The following XYLT1 variants were observed in gnomAD, a reference collection of about 807,000 sequenced individuals.
The protein encoded by XYLT1 is xylosyltransferase 1.
A neutral mutation model predicts 91.3 loss-of-function variants in XYLT1; 36 were observed. The ratio of observed to expected loss-of-function variants is 0.39; its 90% CI spans 0.30 to 0.52. The LOEUF is 0.52. XYLT1 is among the 20% of genes least tolerant of loss of function. The pLI is 0.68. For synonymous variants in XYLT1, 588 were observed against 532.0 expected (o/e 1.11, Z -1.45); for missense variants, 1,242 against 1,284.5 (o/e 0.97, Z 0.51).
At chr16:17,257,607 C>T (rs1251461400) in intron 3 of XYLT1, among the ~76,000 whole-genome samples, 2 of 152,110 alleles carry the variant, frequency 1.3e-5, no homozygotes, top group Non-Finnish European at 2.9e-5. Flanking sequence ...ACAACAGTGA[C>T]CACGAGTCAA....
At chr16:17,286,983 TC>T (rs2034150666) in intron 2 of XYLT1, among the ~76,000 whole-genome samples, 1 of 152,128 alleles carries the variant, frequency 6.6e-6, no homozygotes, top group Non-Finnish European at 1.5e-5. Flanking sequence ...CATTCACTGA[TC>T]CTGCAGCTTT....
At chr16:17,254,032 C>G (rs1374311935) in intron 3 of XYLT1, among the ~76,000 whole-genome samples, 1 of 152,194 alleles carries the variant, frequency 6.6e-6, no homozygotes, top group Non-Finnish European at 1.5e-5. Context: ...AAGGACTCCC[C>G]TTCCTTGAGC....
chr16:17,217,715 G>A (rs896392692), intron 3 of XYLT1, among the ~76,000 whole-genome samples: 2 of 152,202 alleles, frequency 1.3e-5, no homozygotes, highest in South Asian at 2.1e-4. Context: ...ACAGATCAAC[G>A]TATTTTACAA....
chr16:17,297,623 T>C (rs2034331100), intron 2 of XYLT1, among the ~76,000 whole-genome samples: 1 of 151,956 alleles, frequency 6.6e-6, no homozygotes, highest in South Asian at 2.1e-4. Context: ...CTCAGGAGGC[T>C]GAGGTGGGAG....
At chr16:17,152,758 A>G (rs2031311577) in intron 6 of XYLT1, among the ~76,000 whole-genome samples, 1 of 152,204 alleles carries the variant, frequency 6.6e-6, no homozygotes, top group South Asian at 2.1e-4. Flanking sequence ...TTCAGACCAG[A>G]GAAGAGAGAG....
chr16:17,252,770 C>G (rs751666395), intron 3 of XYLT1, among the ~76,000 whole-genome samples: 4 of 152,094 alleles, frequency 2.6e-5, no homozygotes, highest in Non-Finnish European at 5.9e-5. Flanking sequence ...GGCGCTGTAC[C>G]AAAGTCAACA....
chr16:17,434,244 C>G (rs1024056385), intron 1 of XYLT1, among the ~76,000 whole-genome samples: 4 of 152,282 alleles, frequency 2.6e-5, no homozygotes, highest in Non-Finnish European at 5.9e-5. Context: ...GGGAAAAGTT[C>G]TGGGAAGGGT....
chr16:17,284,013 G>A (rs565408723), intron 2 of XYLT1, among the ~76,000 whole-genome samples: 1 of 152,294 alleles, frequency 6.6e-6, no homozygotes, highest in Non-Finnish European at 1.5e-5. Flanking sequence ...CACAGTTCCA[G>A]CTCAACATAG....
chr16:17,325,795 T>G (rs1170408942), intron 2 of XYLT1, among the ~76,000 whole-genome samples: 3 of 152,226 alleles, frequency 2.0e-5, no homozygotes, highest in Non-Finnish European at 4.4e-5. Context: ...CTATGTGTAC[T>G]GGGAGAAAGA....
chr16:17,440,113 C>T (rs781728815), intron 1 of XYLT1, among the ~76,000 whole-genome samples: 13 of 152,274 alleles, frequency 8.5e-5, no homozygotes, highest in African/African-American at 1.2e-4. Context: ...AGCTAACAGC[C>T]AGCAAGGAAG....
intron 5 of XYLT1, among the ~76,000 whole-genome samples, chr16:17,197,846 T>C (rs1019499455): frequency 2.6e-5 from 4 of 152,204 alleles, no homozygotes; most frequent in African/African-American, 9.6e-5. Context: ...TCGTGAGACC[T>C]CGCCTTGTGA....
chr16:17,113,926 G>C (rs767615883), intron 11 of XYLT1, among the ~76,000 whole-genome samples: 15 of 152,260 alleles, frequency 9.9e-5, no homozygotes, highest in Non-Finnish European at 1.8e-4. Flanking sequence ...CATGGGGACA[G>C]ACTCATCCAC....
intron 3 of XYLT1, among the ~76,000 whole-genome samples, chr16:17,252,047 C>T (rs1452475738): frequency 6.6e-6 from 1 of 152,144 alleles, no homozygotes; most frequent in African/African-American, 2.4e-5. Context: ...TTCCTCTCCT[C>T]TCCTTTCCTC....
intron 1 of XYLT1, among the ~76,000 whole-genome samples, chr16:17,375,115 C>A (rs371119056): frequency 7.9e-5 from 12 of 152,172 alleles, no homozygotes; most frequent in African/African-American, 2.9e-4. Context: ...TGTCACACAG[C>A]AGGTAAGGGG....
chr16:17,285,178 G>A (rs2034116366), intron 2 of XYLT1, among the ~76,000 whole-genome samples: 1 of 152,192 alleles, frequency 6.6e-6, no homozygotes, highest in African/African-American at 2.4e-5. Flanking sequence ...GCTGGGGAGG[G>A]ATGAGGGAAA....
chr16:17,264,156 G>C (rs79538492), intron 2 of XYLT1, among the ~76,000 whole-genome samples: 2,911 of 152,214 alleles, frequency 0.019, 94 homozygotes, highest in African/African-American at 0.066. Flanking sequence ...TGCACAGCAG[G>C]TCTCTATGGC....
chr16:17,465,591 G>A (rs935411408), intron 1 of XYLT1, among the ~76,000 whole-genome samples: 4 of 144,940 alleles, frequency 2.8e-5, no homozygotes, highest in South Asian at 2.2e-4. Context: ...ATAACCTAAC[G>A]TATGCAAAAT....
chr16:17,413,651 C>T (rs760883550), intron 1 of XYLT1, among the ~76,000 whole-genome samples: 6 of 151,876 alleles, frequency 4.0e-5, no homozygotes, highest in African/African-American at 9.7e-5. Context: ...TTGCTCAGGC[C>T]GGTCTTGAAC....
At chr16:17,134,323 C>T (rs928737893) in intron 9 of XYLT1, 150 bp downstream of exon 9, 94 of 1,021,234 alleles carry the variant, frequency 9.2e-5, no homozygotes, top group Non-Finnish European at 1.2e-4. Context: ...AGGAGGGTGG[C>T]GTTAGATGAG....
Sources: gnomAD v4.1 joint callset for allele counts (sites outside exome capture counted in the v4.1 genomes callset) on GRCh38, gnomAD v4.1.1 for gene constraint, MANE v1.5 for transcripts, NCBI Gene and HGNC (gene_info 2026-07-23, HGNC 2026-07-21) for gene names.